ROBO2: variants seen among roughly 807,000 people sequenced by gnomAD.
ROBO2 encodes roundabout guidance receptor 2, also known as roundabout homolog 2.
A neutral mutation model predicts 160.8 loss-of-function variants in ROBO2; 53 were observed. That is an observed-to-expected ratio of 0.33 (90% CI 0.26 to 0.41). The LOEUF is 0.41. Ranked by LOEUF, ROBO2 falls within the 10% of genes least tolerant of loss-of-function variation. The probability of loss-of-function intolerance (pLI) is 1.00; values close to 1 mark genes in which losing one functional copy is unlikely to be tolerated. For missense variants in ROBO2, 1,577 were observed against 1,722.4 expected (o/e 0.92, Z 1.49); for synonymous variants, 664 against 611.7 (o/e 1.09, Z -1.26).
chr3:75,914,938 C>G (rs532537342), intron 1 of ROBO2, among the ~76,000 whole-genome samples: 1 of 152,212 alleles, frequency 6.6e-6, no homozygotes, highest in Non-Finnish European at 1.5e-5. Context: ...AGCAGGCCAG[C>G]TGTTCCTTTT....
At chr3:76,979,888 A>G (rs2060008655) in intron 2 of ROBO2, among the ~76,000 whole-genome samples, 1 of 151,932 alleles carries the variant, frequency 6.6e-6, no homozygotes, top group African/African-American at 2.4e-5. Context: ...AAGGCCTGGG[A>G]ATTTTATAAA....
intron 19 of ROBO2, among the ~76,000 whole-genome samples, chr3:77,600,112 G>A (rs1344924599): frequency 6.6e-6 from 1 of 152,164 alleles, no homozygotes; most frequent in African/African-American, 2.4e-5. Context: ...GGACTGGTAG[G>A]TGGGGACTGC....
chr3:76,922,643 C>G (rs2076739389), intron 2 of ROBO2, among the ~76,000 whole-genome samples: 1 of 152,178 alleles, frequency 6.6e-6, no homozygotes, highest in African/African-American at 2.4e-5. Flanking sequence ...TTTATCGACC[C>G]TGGGGTACTT....
At chr3:76,127,684 A>T (rs886615038) in intron 2 of ROBO2, among the ~76,000 whole-genome samples, 6 of 151,954 alleles carry the variant, frequency 3.9e-5, no homozygotes, top group African/African-American at 1.4e-4. Context: ...TCATTTATCA[A>T]CGAGTGAACT....
At chr3:77,492,888 A>G (rs563392466) in intron 4 of ROBO2, among the ~76,000 whole-genome samples, 1 of 152,286 alleles carries the variant, frequency 6.6e-6, no homozygotes, top group East Asian at 1.9e-4. Context: ...AACCCTGATA[A>G]TAGATTATTG....
At chr3:76,881,341 G>T (rs1324323290) in intron 2 of ROBO2, among the ~76,000 whole-genome samples, 2 of 152,178 alleles carry the variant, frequency 1.3e-5, no homozygotes, top group African/African-American at 2.4e-5. Context: ...GAACAGTGAA[G>T]TAAATATAAA....
chr3:77,632,674 C>A, intron 23 of ROBO2: 2 of 1,525,106 alleles, frequency 1.3e-6, no homozygotes, highest in South Asian at 2.4e-5. Flanking sequence ...GACTCCAAGT[C>A]AACACTCTTT....
At chr3:76,623,624 C>G (rs1175694389) in intron 2 of ROBO2, among the ~76,000 whole-genome samples, 5 of 152,194 alleles carry the variant, frequency 3.3e-5, no homozygotes, top group Non-Finnish European at 7.3e-5. Flanking sequence ...ATACGTCATG[C>G]ACTGCAGCCT....
chr3:77,643,572 G>A (rs1042496691), intron 24 of ROBO2, among the ~76,000 whole-genome samples: 4 of 152,184 alleles, frequency 2.6e-5, no homozygotes, highest in African/African-American at 7.2e-5. Context: ...TTTTTTGGGG[G>A]GAGAGGTGTG....
intron 2 of ROBO2, among the ~76,000 whole-genome samples, chr3:76,986,962 C>G (rs1312819410): frequency 6.6e-6 from 1 of 152,014 alleles, no homozygotes; most frequent in Non-Finnish European, 1.5e-5. Context: ...CTAAAATGAA[C>G]GTGACATTAT....
At chr3:77,223,644 T>C (rs1387063005) in intron 2 of ROBO2, among the ~76,000 whole-genome samples, 2 of 152,132 alleles carry the variant, frequency 1.3e-5, no homozygotes, top group East Asian at 1.9e-4. Flanking sequence ...TTAGTAAATA[T>C]ATCTGTGCTA....
chr3:76,403,444 CA>C lies in ROBO2; in HGVS notation c.109+465844del, dbSNP rs1190145679. Among the ~76,000 whole-genome samples the C allele has an allele frequency of 2.0e-5, 3 of 151,562 alleles. No homozygotes were observed. The East Asian group carries it at 5.8e-4, about 29-fold the overall frequency. On this transcript the variant is annotated intron_variant, in intron 2 of 26. Transcript: ENST00000487694. ...TCATTCTTTTCTCTCAGATTCTGAA[CA>C]ATAAAGACAGGTTGTTAGAACAATT... is the stretch of plus-strand genomic sequence containing the variant.
At chr3:77,079,981 C>T (rs2149914913) in intron 1 of ROBO2, among the ~76,000 whole-genome samples, 1 of 152,248 alleles carries the variant, frequency 6.6e-6, no homozygotes, top group Non-Finnish European at 1.5e-5. Context: ...CTTTTTCCAC[C>T]ATACAGTGTT....
chr3:76,198,663 A>G (rs1702376102), intron 2 of ROBO2, among the ~76,000 whole-genome samples: 1 of 152,102 alleles, frequency 6.6e-6, no homozygotes, highest in Non-Finnish European at 1.5e-5. Flanking sequence ...TTTGCCATCT[A>G]TTGCCTCTGA....
At chr3:76,379,245 G>A (rs574038140) in intron 2 of ROBO2, among the ~76,000 whole-genome samples, 104 of 152,204 alleles carry the variant, frequency 6.8e-4, no homozygotes, top group Middle Eastern at 3.4e-3. Flanking sequence ...AATATGCAAC[G>A]AGAAATGTCT....
At position 76,551,354 on chromosome 3, in the gene ROBO2, G is replaced by C. The variant is rs138887664; in HGVS notation, c.110-546660G>C. Among the ~76,000 whole-genome samples the C allele has an allele frequency of 1.1e-4, 17 of 152,218 alleles. No individual in the cohort carries two copies. The East Asian group carries it at 2.7e-3, about 24-fold the overall frequency. On this transcript the variant is annotated intron_variant, in intron 2 of 26. Coordinates refer to the ROBO2 transcript ENST00000487694. Reference sequence around the variant, plus strand: ...ATCAGGACAACCTGCCTGCAGAAAGGACCTACCCACTTCAGGTCTCCTGAG... The same window carrying C: ...ATCAGGACAACCTGCCTGCAGAAAGCACCTACCCACTTCAGGTCTCCTGAG...
chr3:76,640,884 T>C (rs72886499), intron 2 of ROBO2, among the ~76,000 whole-genome samples: 9,075 of 151,834 alleles, frequency 0.06, 865 homozygotes, highest in African/African-American at 0.2. Context: ...CCTGAGGGAG[T>C]GCACAGTGGC....
intron 5 of ROBO2, among the ~76,000 whole-genome samples, chr3:77,507,439 A>C (rs2088719793): frequency 6.6e-6 from 1 of 152,164 alleles, no homozygotes; most frequent in Admixed American, 6.6e-5. Context: ...TTTTACCGTG[A>C]ATTGGCTGTC....
intron 2 of ROBO2, among the ~76,000 whole-genome samples, chr3:76,425,755 G>A (rs772502518): frequency 4.6e-5 from 7 of 151,778 alleles, no homozygotes; most frequent in South Asian, 2.1e-4. Context: ...TATAACCCCC[G>A]AGAAATGAGT....
Sources: allele counts gnomAD v4.1 joint callset (sites outside exome capture counted in the v4.1 genomes callset), GRCh38; gene constraint gnomAD v4.1.1; transcripts MANE v1.5; gene names NCBI Gene and HGNC (gene_info 2026-07-23, HGNC 2026-07-21).